The following AMBRA1 variants were observed in gnomAD, a reference collection of about 807,000 sequenced individuals.
AMBRA1 encodes activating molecule in BECN1-regulated autophagy protein 1.
AMBRA1 carries 47 observed loss-of-function variants against 125.4 expected under a neutral mutation model. The ratio of observed to expected loss-of-function variants is 0.37; its 90% CI spans 0.30 to 0.48. AMBRA1 has a LOEUF of 0.48. Among genes scored for constraint, AMBRA1 ranks in the 20% least tolerant of loss-of-function variants. The pLI is 0.99. For synonymous variants in AMBRA1, 626 were observed against 655.5 expected, an observed-to-expected ratio of 0.95 and a Z score of 0.69; for missense variants, 1,331 against 1,693.4, an observed-to-expected ratio of 0.79 and a Z score of 3.76.
At chr11:46,428,458 T>TGG in intron 14 of AMBRA1, among the ~76,000 whole-genome samples, 1 of 152,184 alleles carries the variant, frequency 6.6e-6, no homozygotes, top group Non-Finnish European at 1.5e-5. Flanking sequence ...AAGGTGTCCT[T>TGG]AGTCATCCCT....
rs564525987 is a variant in AMBRA1, at chr11:46,528,950, G to A, written c.2072+12995C>T. On this transcript the variant is annotated intron_variant, in intron 7 of 17. Transcript: ENST00000683756. ...GCAGAAGAGGCAAAAAGAGTCACAC[G>A]TACCCTCTGATGCAGCAAAGGAAAA... Among the ~76,000 whole-genome samples, 9 of 152,276 alleles carry A rather than the reference G, an allele frequency of 5.9e-5. 1 individual carries two copies. The highest frequency in any genetic ancestry group is 1.2e-4 in the African/African-American group (5 of 41,556).
rs182848041 is a variant in AMBRA1, at chr11:46,578,016, G to C, written c.-121+15812C>G. 1.7e-3 allele frequency among the ~76,000 whole-genome samples: 262 copies of C among 152,238 alleles called. 1 individual carries two copies. Among genetic ancestry groups the C allele is most frequent in the Admixed American group, 3.5e-3 (54 of 15,282 alleles). On this transcript the variant is annotated intron_variant, in intron 1 of 17. Transcript: ENST00000683756. The stretch of plus-strand genomic sequence containing the variant: ...TGTGGTGGTTTGTACCTGTAATCCA[G>C]CTACTTGGGAGGCTAAAGCAGGAGG...
chr11:46,425,608 GAGGC>G (rs1206073607), intron 14 of AMBRA1, among the ~76,000 whole-genome samples: 10 of 151,844 alleles, frequency 6.6e-5, no homozygotes, highest in East Asian at 3.9e-4. Flanking sequence ...TTGGGAGGCT[GAGGC>G]AGGTGGATCA....
At position 46,593,941 on chromosome 11, in the gene AMBRA1, A is replaced by T; in HGVS notation, c.-234T>A. The T allele has an allele frequency of 5.0e-6, 2 of 398,648 alleles. No individual in the cohort carries two copies. Among genetic ancestry groups the T allele is most frequent in the South Asian group, 2.5e-4 (2 of 7,856 alleles). The allele number at this position is 398,648 out of a possible 1,614,324, so 24.7% of individuals were successfully genotyped here. A position where few individuals can be genotyped will look rare whatever the true frequency, so the allele number is the denominator to read the frequency against. On this transcript the variant is annotated 5_prime_UTR_variant, in exon 1 of 18. Transcript: ENST00000683756. The stretch of plus-strand genomic sequence containing the variant: ...GGTCCGTTCTACCGACCGGCAGGAG[A>T]AGGCGGCTTGAGCGCGGGGCCTCGC...
intron 11 of AMBRA1, among the ~76,000 whole-genome samples, chr11:46,450,851 C>A (rs1379237393): frequency 2.0e-5 from 3 of 152,172 alleles, no homozygotes; most frequent in African/African-American, 4.8e-5. Context: ...CAAGCATGAA[C>A]CCTAATGTAA....
At chr11:46,457,753 T>C (rs1353282915) in intron 11 of AMBRA1, among the ~76,000 whole-genome samples, 2 of 152,110 alleles carry the variant, frequency 1.3e-5, no homozygotes, top group Middle Eastern at 3.4e-3. Flanking sequence ...ATACAAAAAA[T>C]GAACCAGGTG....
At position 46,541,933 on chromosome 11, in the gene AMBRA1, G is replaced by A. The variant is rs759407130; in HGVS notation, c.2072+12C>T. 1 of 1,598,974 alleles carries A rather than the reference G, an allele frequency of 6.3e-7. No individual in the cohort carries two copies. On this transcript the variant is annotated intron_variant, in intron 7 of 17. Transcript: ENST00000683756. ...AGCAAGGGATGCAGAAGATAGGAAA[G>A]CGACTGCTTACCTCCTGAGTGAATC...
rs183020960 is a variant in AMBRA1, at chr11:46,439,376, G to A, written c.2632+4112C>T. 3.4e-3 allele frequency among the ~76,000 whole-genome samples: 520 copies of A among 152,238 alleles called. 2 individuals are homozygous for A. Among genetic ancestry groups the A allele is most frequent in the African/African-American group, 0.012 (502 of 41,540 alleles). ...ACAGATCACTAGAACAGAACAGAGA[G>A]TCCAGAAATATATCTAAATACAGAA... On this transcript the variant is annotated intron_variant, in intron 12 of 17. Transcript: ENST00000683756.
chr11:46,589,495 T>C (rs1257902406), intron 1 of AMBRA1, among the ~76,000 whole-genome samples: 1 of 152,180 alleles, frequency 6.6e-6, no homozygotes, highest in Non-Finnish European at 1.5e-5. Flanking sequence ...AAATGCGGAT[T>C]CCACTCCAAA....
At position 46,419,302 on chromosome 11, in the gene AMBRA1, A is replaced by ATATG. The variant is rs1946728422; in HGVS notation, c.2977-1251_2977-1250insCATA. On this transcript the variant is annotated intron_variant, in intron 14 of 17. Coordinates refer to ENST00000683756, the MANE Select transcript of AMBRA1 (RefSeq NM_001387011.1). The stretch of plus-strand genomic sequence containing the variant: ...CACTCTCTGATATGTTTTAGAAGCA[A>ATATG]CTTAATCAGAGATAGGGGCAGGTCA... Among the ~76,000 whole-genome samples the ATATG allele has an allele frequency of 2.6e-5, 4 of 152,212 alleles. No individual in the cohort carries two copies. The East Asian group carries it at 7.7e-4, about 29-fold the overall frequency.
chr11:46,424,825 CTG>C (rs951349689), intron 14 of AMBRA1, among the ~76,000 whole-genome samples: 2 of 151,668 alleles, frequency 1.3e-5, no homozygotes, highest in Non-Finnish European at 2.9e-5. Context: ...GGGTGAGATC[CTG>C]TGTCTTAAAA....
At chr11:46,459,709 T>C (rs80031726) in intron 11 of AMBRA1, among the ~76,000 whole-genome samples, 22,583 of 144,862 alleles carry the variant, frequency 0.16, 1,809 homozygotes, top group Middle Eastern at 0.19. Context: ...AGACTCCATC[T>C]CCCTCCCAAA....
intron 1 of AMBRA1, among the ~76,000 whole-genome samples, chr11:46,583,668 A>G (rs534454770): frequency 6.8e-6 from 1 of 146,038 alleles, no homozygotes; most frequent in African/African-American, 2.5e-5. Context: ...AAAAAAAAAA[A>G]AAAAAAAAAA....
At chr11:46,511,691 C>G (rs1235924959) in intron 8 of AMBRA1, among the ~76,000 whole-genome samples, 1 of 152,174 alleles carries the variant, frequency 6.6e-6, no homozygotes, top group Non-Finnish European at 1.5e-5. Flanking sequence ...CGAACAGAAT[C>G]CGTAAATCTG....
At chr11:46,546,111 C>T (rs146577669) in intron 4 of AMBRA1, 388 of 169,936 alleles carry the variant, frequency 2.3e-3, no homozygotes, top group African/African-American at 8.5e-3. Flanking sequence ...TCTCAGCACA[C>T]TGCAACCTCT....
chr11:46,422,778 T>C (rs1027535298), intron 14 of AMBRA1, among the ~76,000 whole-genome samples: 6 of 152,132 alleles, frequency 3.9e-5, no homozygotes, highest in Non-Finnish European at 7.4e-5. Flanking sequence ...AAAAACTTTA[T>C]GGTTATTTTG....
At chr11:46,418,370 A>G (rs955265540) in intron 14 of AMBRA1, among the ~76,000 whole-genome samples, 2 of 140,794 alleles carry the variant, frequency 1.4e-5, no homozygotes, top group Non-Finnish European at 3.1e-5. Flanking sequence ...TTTATTATTT[A>G]TATATAAATA....
intron 7 of AMBRA1, among the ~76,000 whole-genome samples, chr11:46,530,161 A>C (rs1952151026): frequency 1.3e-5 from 2 of 152,196 alleles, no homozygotes; most frequent in Non-Finnish European, 2.9e-5. Flanking sequence ...TACACGGGAA[A>C]TTACTCCCAA....
chr11:46,503,060 CAAAAAAAAAAAAAA>C (rs35217088), intron 9 of AMBRA1, among the ~76,000 whole-genome samples: 4 of 31,016 alleles, frequency 1.3e-4, no homozygotes, highest in East Asian at 1.4e-3. Context: ...GACTCTGTCT[CAAAAAAAAAAAAAA>C]AAAAAAAAAA....
Sources: gnomAD v4.1 joint callset for allele counts (sites outside exome capture counted in the v4.1 genomes callset) on GRCh38, gnomAD v4.1.1 for gene constraint, MANE v1.5 for transcripts, NCBI Gene and HGNC (gene_info 2026-07-23, HGNC 2026-07-21) for gene names.